ASH1L: variants seen among roughly 807,000 people sequenced by gnomAD.
ASH1L encodes histone-lysine N-methyltransferase ASH1L.
A neutral mutation model predicts 269.0 loss-of-function variants in ASH1L; 23 were observed. That is an observed-to-expected ratio of 0.09 (90% CI 0.06 to 0.12). ASH1L has a LOEUF of 0.12. Ranked by LOEUF, ASH1L falls within the 10% of genes least tolerant of loss-of-function variation. The pLI is 1.00. For synonymous variants in ASH1L, 1,187 were observed against 1,253.5 expected, an observed-to-expected ratio of 0.95 and a Z score of 1.12; for missense variants, 2,912 against 3,567.8, an observed-to-expected ratio of 0.82 and a Z score of 4.68.
intron 2 of ASH1L, among the ~76,000 whole-genome samples, chr1:155,489,614 C>T (rs188691338): frequency 1.0e-3 from 152 of 151,516 alleles, no homozygotes; most frequent in East Asian, 9.2e-3. Flanking sequence ...AAAAATTAGA[C>T]GGGCATGGTG....
chr1:155,530,839 G>A (rs572277173), intron 1 of ASH1L, among the ~76,000 whole-genome samples: 128 of 152,264 alleles, frequency 8.4e-4, no homozygotes, highest in Admixed American at 1.4e-3. Context: ...CTGAGTCTAG[G>A]AGGTCGAGGC....
chr1:155,405,249 G>T (rs918358295), intron 6 of ASH1L, among the ~76,000 whole-genome samples: 1 of 121,542 alleles, frequency 8.2e-6, no homozygotes, highest in African/African-American at 2.7e-5. Context: ...AGGGGGCTGA[G>T]GGGGGGGCAG....
At chr1:155,534,381 A>C (rs1335011372) in intron 1 of ASH1L, among the ~76,000 whole-genome samples, 5 of 149,360 alleles carry the variant, frequency 3.3e-5, no homozygotes, top group Non-Finnish European at 5.9e-5. Flanking sequence ...ATAGAGAAAA[A>C]CGGGTGGATT....
Position 155,480,033 on chromosome 1 carries a change from T to C in ASH1L, c.2837A>G (p.Asp946Gly), listed in dbSNP as rs751781147. Residue 946 changes from aspartate (D) to glycine (G), a missense_variant, in exon 3 of 28, where the codon GAT becomes GGT. Physicochemically the swap from Asp to Gly is moderately conservative, Grantham distance 94 (BLOSUM62 -1). Coordinates refer to ENST00000392403, the MANE Select transcript of ASH1L (RefSeq NM_018489.3). ...FESEDQLQDP[D>G]DLDDSHRPSV... is the part of the protein sequence containing the mutation. ...TGGCCTATGACTGTCATCTAGGTCATCTGGATCCTGAAGTTGATCCTCGCT... is the reference window on the plus strand; with the variant it reads ...TGGCCTATGACTGTCATCTAGGTCACCTGGATCCTGAAGTTGATCCTCGCT... The C allele has an allele frequency of 4.3e-6, 7 of 1,614,012 alleles. No homozygotes were observed. The highest frequency in any genetic ancestry group is 1.6e-4 in the Middle Eastern group (1 of 6,084).
intron 2 of ASH1L, among the ~76,000 whole-genome samples, chr1:155,515,777 G>A (rs907449256): frequency 3.4e-5 from 5 of 146,294 alleles, no homozygotes; most frequent in Admixed American, 7.1e-5. Context: ...GCAGTGAGCC[G>A]AGATCAAGCC....
rs1326538336 is a variant in ASH1L at position 155,343,706 on chromosome 1, G to A, written c.8018C>T (p.Thr2673Ile). The A allele has an allele frequency of 6.2e-7, 1 of 1,614,164 alleles. No individual in the cohort carries two copies. Among genetic ancestry groups the A allele is most frequent in the Non-Finnish European group, 8.5e-7 (1 of 1,180,014 alleles). ...CTGACGGACCGGGTGGCCATCAGGG[G>A]TGCGCCGACTATCCCTCATCAGATA... Reference protein sequence around the residue: ...CVYLMRDSRRTPDGHPVRQSY... With the variant: ...CVYLMRDSRRIPDGHPVRQSY... Residue 2673 changes from threonine (T) to isoleucine (I), a missense_variant, in exon 23 of 28, where the codon ACC becomes ATC. Coordinates refer to ENST00000392403, the MANE Select transcript of ASH1L (RefSeq NM_018489.3). This position sits in a 1 kb window ranked among gnomAD's most constrained non-coding sequence, Gnocchi z 6.1.
rs1476255410 is a variant in ASH1L, at chr1:155,405,605, G to GA, written c.6009-10053dup. 3.3e-5 allele frequency among the ~76,000 whole-genome samples: 5 copies of GA among 151,520 alleles called. No homozygotes were observed. In the South Asian group the frequency reaches 6.3e-4, roughly 19 times the overall value. Reference sequence around the variant, plus strand: ...AGCAATTTGGGAGGCCTAGGTGAGTGAATCACCTGAGGTCAGGAGTTCAAG... The same window carrying GA: ...AGCAATTTGGGAGGCCTAGGTGAGTGAAATCACCTGAGGTCAGGAGTTCAAG... On this transcript the variant is annotated intron_variant, in intron 6 of 27. Transcript: ENST00000392403.
chr1:155,367,382 T>C (rs1655530229), intron 12 of ASH1L, among the ~76,000 whole-genome samples: 1 of 152,242 alleles, frequency 6.6e-6, no homozygotes, highest in Admixed American at 6.5e-5. Context: ...ACTGACCATC[T>C]TTCCATTAAT....
At chr1:155,352,225 G>A (rs1653988059) in intron 17 of ASH1L, among the ~76,000 whole-genome samples, 1 of 150,664 alleles carries the variant, frequency 6.6e-6, no homozygotes, top group Admixed American at 6.6e-5. Flanking sequence ...AACTTTGGGA[G>A]GTCGAGGCAG....
At chr1:155,449,082 T>C (rs1558118494) in intron 4 of ASH1L, among the ~76,000 whole-genome samples, 2 of 151,768 alleles carry the variant, frequency 1.3e-5, no homozygotes, top group Non-Finnish European at 2.9e-5. Context: ...TACAGGCATG[T>C]GCCACCACGC....
In ASH1L at chr1:155,479,391, C is replaced by T. The variant is rs202212390; in HGVS notation, c.3479G>A (p.Arg1160Gln). 1.5e-5 allele frequency: 24 copies of T among 1,613,982 alleles called. No individual in the cohort carries two copies. The highest frequency in any genetic ancestry group is 1.3e-4 in the East Asian group (6 of 44,870). ...TGGCAACAAAGTAGGAGGAGATAAC[C>T]GCCTCCTCCCCTTTGAGGCCTTCTT... The part of the protein sequence containing the change: ...AMKKASKGRR[R>Q]LSPPTLLPNS... The change falls in exon 3 of 28, where the codon CGG becomes CAG. Residue 1160 changes from arginine to glutamine, a missense_variant. Around this residue, in one of 13 missense-constraint regions of ASH1L, gnomAD observed 157 missense variants for 154.6 expected, o/e 1.02. Transcript: ENST00000392403.
At position 155,562,527 on chromosome 1, in the gene ASH1L, C is replaced by T. The variant is rs1483157568; in HGVS notation, c.-474G>A. On this transcript the variant is annotated 5_prime_UTR_variant, in exon 1 of 28. Transcript: ENST00000392403. ...GCGCCTAGCGCCCCCCTCAACCTTC[C>T]ACTCCTTCCTCCTTGCGTTCTTTCC... 3 of 1,520,166 alleles carry T rather than the reference C, an allele frequency of 2.0e-6. No individual in the cohort carries two copies. The highest frequency in any genetic ancestry group is 2.8e-5 in the African/African-American group (2 of 72,540). 94.2% of individuals were successfully genotyped at this position (1,520,166 alleles called of 1,614,324 possible).
At chr1:155,509,128 A>G (rs1178987684) in intron 2 of ASH1L, among the ~76,000 whole-genome samples, 1 of 152,264 alleles carries the variant, frequency 6.6e-6, no homozygotes, top group African/African-American at 2.4e-5. Context: ...CAGGGAGCAC[A>G]CTAAAATACA....
In ASH1L at chr1:155,503,159, G is replaced by A. The variant is rs1481613497; in HGVS notation, c.420+17941C>T. 2.0e-5 allele frequency among the ~76,000 whole-genome samples: 3 copies of A among 152,308 alleles called. No homozygotes were observed. In the East Asian group the frequency reaches 5.8e-4, roughly 29 times the overall value. On this transcript the variant is annotated intron_variant, in intron 2 of 27. Coordinates refer to ENST00000392403, the MANE Select transcript of ASH1L (RefSeq NM_018489.3). ...AGAAATGAAAAAGTGAGGCTGAGAA[G>A]CAGGTGCCATTTTGTTTCACTGTTT... is the stretch of plus-strand genomic sequence containing the variant.
At chr1:155,462,555 T>C (rs576029611) in intron 3 of ASH1L, among the ~76,000 whole-genome samples, 19 of 152,286 alleles carry the variant, frequency 1.2e-4, no homozygotes, top group South Asian at 4.1e-4. Flanking sequence ...GTCAGATCCA[T>C]GGAGATCATT....
intron 1 of ASH1L, among the ~76,000 whole-genome samples, chr1:155,554,551 C>T (rs998137435): frequency 2.0e-5 from 3 of 152,088 alleles, no homozygotes; most frequent in Admixed American, 1.3e-4. Context: ...GGATTACAGG[C>T]GTGAGCCACC....
intron 4 of ASH1L, among the ~76,000 whole-genome samples, chr1:155,441,283 C>G (rs1486912363): frequency 6.6e-6 from 1 of 151,686 alleles, no homozygotes; most frequent in Non-Finnish European, 1.5e-5. Context: ...AGGTCTGTCT[C>G]TCTCTCTATC....
At chr1:155,406,077 G>A (rs1184113136) in intron 6 of ASH1L, among the ~76,000 whole-genome samples, 1 of 151,694 alleles carries the variant, frequency 6.6e-6, no homozygotes, top group Non-Finnish European at 1.5e-5. Flanking sequence ...GGTAGCACAT[G>A]CCTGTAATCC....
At chr1:155,541,394 T>C (rs553932070) in intron 1 of ASH1L, among the ~76,000 whole-genome samples, 2 of 152,224 alleles carry the variant, frequency 1.3e-5, no homozygotes, top group East Asian at 3.9e-4. Flanking sequence ...CACCATGTAA[T>C]GTGCTTTCCA....
Sources: allele counts gnomAD v4.1 joint callset (sites outside exome capture counted in the v4.1 genomes callset), GRCh38; gene constraint gnomAD v4.1.1; regional missense constraint gnomAD v4.1.1; non-coding constraint Gnocchi (gnomAD v3.1); transcripts MANE v1.5; gene names NCBI Gene and HGNC (gene_info 2026-07-23, HGNC 2026-07-21).